The following PPARG variants were observed in gnomAD, a reference collection of about 807,000 sequenced individuals.
PPARG encodes peroxisome proliferator-activated receptor gamma.
In PPARG, 17 loss-of-function variants were observed where a neutral mutation model predicts 39.2. The observed-to-expected ratio is 0.43, with a 90% CI of 0.30 to 0.65. The LOEUF is 0.65. Ranked by LOEUF, PPARG falls within the 30% of genes least tolerant of loss-of-function variation. The pLI is 0.13. For synonymous variants in PPARG, 223 were observed against 215.7 expected, an observed-to-expected ratio of 1.03 and a Z score of -0.30; for missense variants, 406 against 585.9, an observed-to-expected ratio of 0.69 and a Z score of 3.17.
At chr3:12,397,888 C>T (rs2938387) in intron 5 of PPARG, among the ~76,000 whole-genome samples, 106,511 of 151,810 alleles carry the variant, frequency 0.7, 38,284 homozygotes, top group African/African-American at 0.86. Flanking sequence ...CCCACCTCCT[C>T]TCCCCACCCC....
chr3:12,389,490 C>T (rs2049993442), intron 4 of PPARG, among the ~76,000 whole-genome samples: 1 of 152,066 alleles, frequency 6.6e-6, no homozygotes, highest in African/African-American at 2.4e-5. Context: ...AGGTAGATCA[C>T]CTTAGAAGTA....
At chr3:12,395,637 C>T (rs1297083958) in intron 5 of PPARG, among the ~76,000 whole-genome samples, 1 of 152,206 alleles carries the variant, frequency 6.6e-6, no homozygotes, top group Non-Finnish European at 1.5e-5. Flanking sequence ...AAAAAGTACC[C>T]AGGTGATGGA....
At position 12,379,791 on chromosome 3, in the gene PPARG, C is replaced by A. The variant is rs868377089; in HGVS notation, c.80C>A (p.Ser27Tyr). 5.6e-6 allele frequency: 9 copies of A among 1,614,034 alleles called. No homozygotes were observed. The highest frequency in any genetic ancestry group is 7.6e-6 in the Non-Finnish European group (9 of 1,179,948). Reference protein sequence around the residue: ...SVDLSVMEDHSHSFDIKPFTT... With the variant: ...SVDLSVMEDHYHSFDIKPFTT... Reference sequence around the variant, plus strand: ...GATCTCTCCGTAATGGAAGACCACTCCCACTCCTTTGATATCAAGCCCTTC... The same window carrying A: ...GATCTCTCCGTAATGGAAGACCACTACCACTCCTTTGATATCAAGCCCTTC... Residue 27 changes from serine to tyrosine, a missense_variant, in exon 3 of 8, where the codon TCC becomes TAC. Coordinates refer to ENST00000651735, the MANE Select transcript of PPARG (RefSeq NM_138711.6).
intron 2 of PPARG, among the ~76,000 whole-genome samples, chr3:12,318,674 A>C (rs1175917162): frequency 6.6e-6 from 1 of 152,144 alleles, no homozygotes; most frequent in Non-Finnish European, 1.5e-5. Context: ...TTTGCCTCAA[A>C]TAAATAAAGC....
chr3:12,403,292 C>CA (rs35403303), intron 5 of PPARG, among the ~76,000 whole-genome samples: 93,282 of 135,984 alleles, frequency 0.69, 31,983 homozygotes, highest in African/African-American at 0.81. Flanking sequence ...GACCCTGTCT[C>CA]AAAAAAAAAA....
chr3:12,374,925 T>C (rs910040337), intron 2 of PPARG, among the ~76,000 whole-genome samples: 3 of 152,248 alleles, frequency 2.0e-5, no homozygotes, highest in African/African-American at 7.2e-5. Flanking sequence ...AGCCATGAGA[T>C]GTACTACAAG....
chr3:12,316,420 T>G (rs569384358), intron 2 of PPARG, among the ~76,000 whole-genome samples: 4 of 152,244 alleles, frequency 2.6e-5, no homozygotes, highest in Non-Finnish European at 5.9e-5. Flanking sequence ...GGAATGGTGC[T>G]TACCAGGGGC....
chr3:12,420,027 A>G (rs1393053385), intron 7 of PPARG, among the ~76,000 whole-genome samples: 1 of 152,244 alleles, frequency 6.6e-6, no homozygotes, highest in African/African-American at 2.4e-5. Context: ...CCCTCAGGAT[A>G]AAATAGAATT....
At chr3:12,321,612 G>A (rs546359463) in intron 2 of PPARG, among the ~76,000 whole-genome samples, 26 of 152,048 alleles carry the variant, frequency 1.7e-4, no homozygotes, top group Admixed American at 5.9e-4. Context: ...GCAATCCATC[G>A]TTTCCATCAT....
At chr3:12,297,493 G>A (rs1046836144) in intron 1 of PPARG, among the ~76,000 whole-genome samples, 4 of 151,732 alleles carry the variant, frequency 2.6e-5, no homozygotes, top group Non-Finnish European at 5.9e-5. Context: ...TCTTTTTGGT[G>A]TGTCTGTGCT....
At chr3:12,375,245 GGAGAGAGA>G (rs141166078) in intron 2 of PPARG, among the ~76,000 whole-genome samples, 3 of 147,922 alleles carry the variant, frequency 2.0e-5, no homozygotes, top group Admixed American at 6.8e-5. Context: ...TGGGGAGGTG[GGAGAGAGA>G]GAGAGAGAGA....
chr3:12,300,750 T>G (rs1277445371), intron 1 of PPARG, among the ~76,000 whole-genome samples: 1 of 152,244 alleles, frequency 6.6e-6, no homozygotes. Context: ...TTTGATGTCA[T>G]GTCTGATAAT....
At chr3:12,410,495 C>T (rs982769975) in intron 6 of PPARG, among the ~76,000 whole-genome samples, 1 of 152,162 alleles carries the variant, frequency 6.6e-6, no homozygotes, top group Admixed American at 6.6e-5. Flanking sequence ...AACTTTTCAC[C>T]CCTATCTAAG....
At position 12,379,711 on chromosome 3, in the gene PPARG, C is replaced by T; in HGVS notation, c.-1C>T. 3 of 1,613,772 alleles carry T rather than the reference C, an allele frequency of 1.9e-6. No homozygotes were observed. Among genetic ancestry groups the T allele is most frequent in the African/African-American group, 1.3e-5 (1 of 75,020 alleles). On this transcript the variant is annotated 5_prime_UTR_variant, in exon 3 of 8. Coordinates refer to ENST00000651735, the MANE Select transcript of PPARG (RefSeq NM_138711.6). ...GTCTATTTTTCCTTTCAGAAATGAC[C>T]ATGGTTGACACAGAGATGCCATTCT...
At chr3:12,424,090 A>C (rs1421297697) in intron 7 of PPARG, among the ~76,000 whole-genome samples, 2 of 152,168 alleles carry the variant, frequency 1.3e-5, no homozygotes, top group Non-Finnish European at 2.9e-5. Flanking sequence ...GTTATCTAGA[A>C]ATGTCCCATT....
At chr3:12,344,210 C>G (rs1007850346) in intron 2 of PPARG, among the ~76,000 whole-genome samples, 7 of 152,134 alleles carry the variant, frequency 4.6e-5, no homozygotes, top group South Asian at 2.1e-4. Flanking sequence ...TTTTAAAAGA[C>G]TTAGCACAGC....
intron 2 of PPARG, among the ~76,000 whole-genome samples, chr3:12,330,423 A>G (rs1224744818): frequency 6.6e-6 from 1 of 151,174 alleles, no homozygotes; most frequent in East Asian, 1.9e-4. Context: ...CTTATTGGTC[A>G]TTTGTATGGG....
chr3:12,348,110 G>A (rs2048378889), intron 2 of PPARG, among the ~76,000 whole-genome samples: 1 of 152,168 alleles, frequency 6.6e-6, no homozygotes, highest in African/African-American at 2.4e-5. Flanking sequence ...AAAAAAGAGT[G>A]AAGTTTTCAT....
chr3:12,417,888 C>CTTTTTTTTTTTTTTTTTTTTTTTTTTT (rs1240237792), intron 7 of PPARG, among the ~76,000 whole-genome samples: 3 of 64,062 alleles, frequency 4.7e-5, no homozygotes, highest in Admixed American at 1.6e-4. Context: ...TTTTTTTTTT[C>CTTTTTTTTTTTTTTTTTTTTTTTTTTT]TTTTTTTTTT....
Sources: gnomAD v4.1 joint callset for allele counts (sites outside exome capture counted in the v4.1 genomes callset) on GRCh38, gnomAD v4.1.1 for gene constraint, MANE v1.5 for transcripts, NCBI Gene and HGNC (gene_info 2026-07-23, HGNC 2026-07-21) for gene names.